Variants in GPC5 observed in about 807,000 individuals in gnomAD.
The protein encoded by GPC5 is glypican 5, also known as glypican-5.
A neutral mutation model predicts 53.9 loss-of-function variants in GPC5; 47 were observed. The ratio of observed to expected loss-of-function variants is 0.87; its 90% CI spans 0.69 to 1.11. GPC5 has a LOEUF of 1.11. GPC5 is among the 50% of genes most tolerant of loss of function. The probability of loss-of-function intolerance (pLI) is 0.00; values close to 1 mark genes in which losing one functional copy is unlikely to be tolerated. For missense variants in GPC5, 748 were observed against 713.1 expected (o/e 1.05, Z -0.56); for synonymous variants, 286 against 263.3 (o/e 1.09, Z -0.84).
chr13:92,459,707 T>C (rs1370763772), intron 7 of GPC5, among the ~76,000 whole-genome samples: 1 of 152,216 alleles, frequency 6.6e-6, no homozygotes, highest in African/African-American at 2.4e-5. Context: ...ATGTATGTTT[T>C]GTTAGTCCTG....
intron 2 of GPC5, among the ~76,000 whole-genome samples, chr13:91,515,952 A>C (rs1195030721): frequency 6.6e-6 from 1 of 152,228 alleles, no homozygotes; most frequent in Non-Finnish European, 1.5e-5. Flanking sequence ...GCAAAAGAGC[A>C]AACCCCTGAT....
chr13:92,472,432 G>T (rs932640779), intron 7 of GPC5, among the ~76,000 whole-genome samples: 3 of 152,018 alleles, frequency 2.0e-5, no homozygotes, highest in African/African-American at 7.2e-5. Flanking sequence ...TAGCTCACGT[G>T]CAATGTTTCA....
chr13:91,774,433 A>G lies in GPC5; in HGVS notation c.1280+18013A>G, dbSNP rs115962051. Among the ~76,000 whole-genome samples the G allele has an allele frequency of 5.7e-3, 865 of 152,296 alleles. 5 individuals are homozygous for G. The highest frequency in any genetic ancestry group is 0.019 in the African/African-American group (776 of 41,566). Reference sequence around the variant, plus strand: ...CTCTGGGCTACCACATTAAAAATACATAGCAGTAATTTCTGCTGCCTTGGA... The same window carrying G: ...CTCTGGGCTACCACATTAAAAATACGTAGCAGTAATTTCTGCTGCCTTGGA... On this transcript the variant is annotated intron_variant, in intron 5 of 7. Transcript: ENST00000377067.
chr13:91,921,576 TA>T (rs943437323), intron 6 of GPC5, among the ~76,000 whole-genome samples: 2 of 152,044 alleles, frequency 1.3e-5, no homozygotes, highest in East Asian at 1.9e-4. Context: ...AAGATTTCCA[TA>T]AAAAAATCAG....
intron 7 of GPC5, among the ~76,000 whole-genome samples, chr13:92,675,549 G>A (rs1886908843): frequency 6.6e-6 from 1 of 151,546 alleles, no homozygotes; most frequent in South Asian, 2.1e-4. Flanking sequence ...TTGATGCTTG[G>A]AAAGTGTGAT....
intron 2 of GPC5, among the ~76,000 whole-genome samples, chr13:91,582,078 A>T (rs1292287644): frequency 1.3e-4 from 20 of 152,104 alleles, no homozygotes; most frequent in Admixed American, 6.5e-4. Context: ...TGTAGACAAA[A>T]TGTCTACACC....
At chr13:92,012,049 A>G (rs1417871762) in intron 6 of GPC5, among the ~76,000 whole-genome samples, 2 of 152,220 alleles carry the variant, frequency 1.3e-5, no homozygotes, top group Admixed American at 6.5e-5. Flanking sequence ...GGGTAATTCA[A>G]TGTAGAACTT....
intron 7 of GPC5, among the ~76,000 whole-genome samples, chr13:92,825,170 A>T (rs1444764839): frequency 6.6e-6 from 1 of 152,132 alleles, no homozygotes; most frequent in African/African-American, 2.4e-5. Flanking sequence ...CTGAAATCAC[A>T]GCACGATCCG....
chr13:91,634,837 T>C (rs2034247375), intron 2 of GPC5, among the ~76,000 whole-genome samples: 1 of 152,128 alleles, frequency 6.6e-6, no homozygotes, highest in African/African-American at 2.4e-5. Context: ...ATGATTAGGC[T>C]GAAGAGACAG....
intron 5 of GPC5, among the ~76,000 whole-genome samples, chr13:91,852,066 G>A (rs2038920364): frequency 1.3e-5 from 2 of 151,704 alleles, no homozygotes; most frequent in South Asian, 4.2e-4. Flanking sequence ...GATCCCTGAG[G>A]AATCGCCACA....
chr13:91,542,054 AAC>A (rs1010814785), intron 2 of GPC5, among the ~76,000 whole-genome samples: 1 of 107,428 alleles, frequency 9.3e-6, no homozygotes, highest in Non-Finnish European at 2.1e-5. Flanking sequence ...AATATTAAAT[AAC>A]ACTCTTAAAT....
intron 7 of GPC5, among the ~76,000 whole-genome samples, chr13:92,195,556 C>T (rs2042251049): frequency 6.6e-6 from 1 of 152,074 alleles, no homozygotes; most frequent in South Asian, 2.1e-4. Flanking sequence ...ACTGCATTCC[C>T]ACTCATATGC....
intron 7 of GPC5, among the ~76,000 whole-genome samples, chr13:92,283,664 G>C (rs575605437): frequency 6.6e-6 from 1 of 152,158 alleles, no homozygotes; most frequent in Non-Finnish European, 1.5e-5. Flanking sequence ...ACAAAATGAA[G>C]GCAGAAATAA....
intron 7 of GPC5, among the ~76,000 whole-genome samples, chr13:92,270,070 A>G (rs2139153965): frequency 6.6e-6 from 1 of 152,184 alleles, no homozygotes; most frequent in Non-Finnish European, 1.5e-5. Context: ...GGTGGTGGGG[A>G]AGGGGAGGCT....
chr13:91,642,682 A>G (rs542811074), intron 2 of GPC5, among the ~76,000 whole-genome samples: 1 of 150,968 alleles, frequency 6.6e-6, no homozygotes, highest in East Asian at 2.0e-4. Context: ...GGGGAAGAGG[A>G]CTTAGAAAGG....
chr13:92,349,198 C>T (rs7139367), intron 7 of GPC5, among the ~76,000 whole-genome samples: 2 of 152,104 alleles, frequency 1.3e-5, no homozygotes, highest in Admixed American at 6.5e-5. Flanking sequence ...GGCTGGAGTG[C>T]GATGGCACGA....
Position 91,672,739 on chromosome 13 carries a change from C to A in GPC5, c.326-20448C>A, listed in dbSNP as rs150775948. On this transcript the variant is annotated intron_variant, in intron 2 of 7. Coordinates refer to ENST00000377067, the MANE Select transcript of GPC5 (RefSeq NM_004466.6). ...TAGCAATCCCATTACTGGGTATATA[C>A]CCAAGGGAATATAAATCATTCTACT... is the stretch of plus-strand genomic sequence containing the variant. Among the ~76,000 whole-genome samples the A allele has an allele frequency of 1.6e-4, 25 of 152,288 alleles. No individual in the cohort carries two copies. In the East Asian group the frequency reaches 4.6e-3, roughly 28 times the overall value.
At chr13:92,316,456 G>A (rs80237360) in intron 7 of GPC5, among the ~76,000 whole-genome samples, 2,581 of 152,054 alleles carry the variant, frequency 0.017, 59 homozygotes, top group African/African-American at 0.059. Context: ...TTGGCTTTCA[G>A]TATAATTACT....
At chr13:92,169,128 A>G (rs751828809) in intron 7 of GPC5, among the ~76,000 whole-genome samples, 1 of 152,162 alleles carries the variant, frequency 6.6e-6, no homozygotes, top group Non-Finnish European at 1.5e-5. Context: ...GAGCTCAACA[A>G]TGAGAATACG....
Sources: allele counts gnomAD v4.1 joint callset (sites outside exome capture counted in the v4.1 genomes callset), GRCh38; gene constraint gnomAD v4.1.1; transcripts MANE v1.5; gene names NCBI Gene and HGNC (gene_info 2026-07-23, HGNC 2026-07-21).